Variants in CNTNAP4 observed in about 807,000 individuals in gnomAD.
The protein encoded by CNTNAP4 is contactin-associated protein-like 4.
In CNTNAP4, 98 loss-of-function variants were observed where a neutral mutation model predicts 148.4. The ratio of observed to expected loss-of-function variants is 0.66; its 90% CI spans 0.56 to 0.78. CNTNAP4 has a LOEUF of 0.78. Among genes scored for constraint, CNTNAP4 ranks in the 30% least tolerant of loss-of-function variants. The probability of loss-of-function intolerance (pLI) is 0.00; values close to 1 mark genes in which losing one functional copy is unlikely to be tolerated. For missense variants in CNTNAP4, 1,935 were observed against 1,565.6 expected, an observed-to-expected ratio of 1.24 and a Z score of -3.98; for synonymous variants, 730 against 565.1, an observed-to-expected ratio of 1.29 and a Z score of -4.14.
chr16:76,553,872 C>A lies in CNTNAP4; in HGVS notation c.3698C>A (p.Ala1233Asp), dbSNP rs766318470. The change falls in exon 23 of 24, where the codon GCT becomes GAT. Residue 1233 changes from alanine to aspartate, a missense_variant. Transcript: ENST00000611870. ...ACAATAGATGACAGAGAGCCCCTTGCTAATGCAATCAAAAGTGACTCTGCA... is the reference window on the plus strand; with the variant it reads ...ACAATAGATGACAGAGAGCCCCTTGATAATGCAATCAAAAGTGACTCTGCA... ...SGTIDDREPL[A>D]NAIKSDSAVI... The A allele has an allele frequency of 5.6e-6, 9 of 1,611,942 alleles. No individual in the cohort carries two copies. The highest frequency in any genetic ancestry group is 5.9e-6 in the Non-Finnish European group (7 of 1,178,274).
chr16:76,327,824 C>G (rs1963142157), intron 2 of CNTNAP4, among the ~76,000 whole-genome samples: 1 of 152,202 alleles, frequency 6.6e-6, no homozygotes, highest in Non-Finnish European at 1.5e-5. Flanking sequence ...TGAGATGCAT[C>G]TGATAAGGCT....
chr16:76,313,058 G>A (rs1169647162), intron 1 of CNTNAP4, among the ~76,000 whole-genome samples: 1 of 152,062 alleles, frequency 6.6e-6, no homozygotes, highest in Non-Finnish European at 1.5e-5. Flanking sequence ...AATATCACAA[G>A]CCTCCTGTGT....
chr16:76,436,593 C>T (rs2079836338), intron 4 of CNTNAP4, among the ~76,000 whole-genome samples: 1 of 152,144 alleles, frequency 6.6e-6, no homozygotes, highest in Non-Finnish European at 1.5e-5. Flanking sequence ...TCATCATTTT[C>T]TTTCATCACT....
In CNTNAP4 at chr16:76,521,189, T is replaced by A; in HGVS notation, c.2415T>A (p.His805Gln). The A allele has an allele frequency of 6.2e-7, 1 of 1,611,268 alleles. No homozygotes were observed. Among genetic ancestry groups the A allele is most frequent in the Non-Finnish European group, 8.5e-7 (1 of 1,179,134 alleles). Residue 805 changes from histidine (H) to glutamine (Q), a missense_variant, in exon 16 of 24, where the codon CAT (histidine) becomes CAA (glutamine). By Grantham distance (24) the His-to-Gln change is conservative (BLOSUM62 0). Coordinates refer to ENST00000611870, the MANE Select transcript of CNTNAP4 (RefSeq NM_033401.5). ...ASFDTEASYLHFPTFHGELSA... is the reference protein window; with the variant it reads ...ASFDTEASYLQFPTFHGELSA... ...TTGATACCGAGGCTTCATATCTTCATTTTCCTACCTTCCACGGAGAACTTA... is the reference window on the plus strand; with the variant it reads ...TTGATACCGAGGCTTCATATCTTCAATTTCCTACCTTCCACGGAGAACTTA...
At chr16:76,425,858 G>A (rs762626730) in intron 3 of CNTNAP4, among the ~76,000 whole-genome samples, 2 of 152,118 alleles carry the variant, frequency 1.3e-5, no homozygotes, top group African/African-American at 4.8e-5. Context: ...TGTTCTAAGT[G>A]GCAAAGAAAG....
At chr16:76,551,749 C>T (rs921088182) in intron 21 of CNTNAP4, among the ~76,000 whole-genome samples, 2 of 152,162 alleles carry the variant, frequency 1.3e-5, no homozygotes, top group African/African-American at 4.8e-5. Flanking sequence ...CTGGCTAGCA[C>T]ATAATATACA....
chr16:76,521,049 C>A, intron 15 of CNTNAP4, 91 bp from the exon 16 acceptor site: 1 of 1,234,256 alleles, frequency 8.1e-7, no homozygotes, highest in Non-Finnish European at 1.1e-6. Context: ...AGCAAAAGTG[C>A]TAAAAATAGA....
intron 10 of CNTNAP4, among the ~76,000 whole-genome samples, chr16:76,473,853 T>TG (rs1163553626): frequency 0.015 from 50 of 3,362 alleles, no homozygotes; most frequent in South Asian, 0.33. Flanking sequence ...TTTTTTTTGT[T>TG]TTGTTTTGTT....
Position 76,539,821 on chromosome 16 carries a change from T to A in CNTNAP4, c.3323T>A (p.Ile1108Asn). Residue 1108 changes from isoleucine to asparagine, a missense_variant, in exon 20 of 24, where the codon ATT becomes AAT. By Grantham distance (149) the Ile-to-Asn change is moderately radical (BLOSUM62 -3). Transcript: ENST00000611870. ...GATGGACAACTTCACCACATAATGA[T>A]TAACAGAGAAGAAGGAGTGGTCTTT... ...MADGQLHHIM[I>N]NREEGVVFIE... 6.3e-7 allele frequency: 1 copy of A among 1,598,980 alleles called. No individual in the cohort carries two copies. The highest frequency in any genetic ancestry group is 1.1e-5 in the South Asian group (1 of 87,960).
chr16:76,496,549 C>T (rs1326922270), intron 14 of CNTNAP4, among the ~76,000 whole-genome samples: 1 of 151,980 alleles, frequency 6.6e-6, no homozygotes, highest in Non-Finnish European at 1.5e-5. Flanking sequence ...GCAGAAACTG[C>T]CCATGTGTTT....
intron 8 of CNTNAP4, among the ~76,000 whole-genome samples, chr16:76,460,773 A>AATATATATATATATATATATATAT (rs150425968): frequency 1.6e-4 from 9 of 57,318 alleles, no homozygotes; most frequent in South Asian, 6.2e-4. Context: ...AAAAAAAAAA[A>AATATATATATATATATATATATAT]ATATATATAT....
intron 1 of CNTNAP4, among the ~76,000 whole-genome samples, chr16:76,298,433 A>G (rs541127678): frequency 6.6e-6 from 1 of 151,862 alleles, no homozygotes; most frequent in Non-Finnish European, 1.5e-5. Context: ...ATGAATGGCA[A>G]TTAGATTCTT....
chr16:76,543,269 A>T (rs1221438649), intron 21 of CNTNAP4, among the ~76,000 whole-genome samples: 2 of 152,206 alleles, frequency 1.3e-5, no homozygotes, highest in Non-Finnish European at 2.9e-5. Flanking sequence ...GAAACCCATA[A>T]CTTGTGGTCA....
intron 4 of CNTNAP4, among the ~76,000 whole-genome samples, chr16:76,438,558 C>T (rs1194624900): frequency 6.6e-6 from 1 of 151,970 alleles, no homozygotes; most frequent in African/African-American, 2.4e-5. Context: ...AAGGACAAAA[C>T]CAAAATAGAC....
At chr16:76,557,792 A>C (rs2085255743) in intron 23 of CNTNAP4, 1 of 152,156 alleles carries the variant, frequency 6.6e-6, no homozygotes. Flanking sequence ...ATTATCATGA[A>C]ATAGTTTTGA....
intron 11 of CNTNAP4, among the ~76,000 whole-genome samples, chr16:76,477,554 ACAT>A (rs1270172883): frequency 1.3e-5 from 2 of 152,150 alleles, no homozygotes; most frequent in African/African-American, 4.8e-5. Context: ...GCTGGGGAAG[ACAT>A]CATCAAGAGA....
At chr16:76,309,760 G>A in intron 1 of CNTNAP4, 1 of 677,320 alleles carries the variant, frequency 1.5e-6, no homozygotes, top group South Asian at 1.5e-5. Context: ...GGCGGAGGGG[G>A]TGGTCCGGGC....
intron 21 of CNTNAP4, among the ~76,000 whole-genome samples, chr16:76,550,344 G>C (rs76255485): frequency 0.049 from 7,454 of 152,164 alleles, 221 homozygotes; most frequent in Non-Finnish European, 0.075. Flanking sequence ...TGTTTCTTTA[G>C]CTCATAAAAG....
At chr16:76,352,972 C>A (rs188742484) in intron 2 of CNTNAP4, among the ~76,000 whole-genome samples, 233 of 152,270 alleles carry the variant, frequency 1.5e-3, no homozygotes, top group African/African-American at 5.4e-3. Context: ...CATGTCTATG[C>A]AACAAGCCCT....
Sources: gnomAD v4.1 joint callset for allele counts (sites outside exome capture counted in the v4.1 genomes callset) on GRCh38, gnomAD v4.1.1 for gene constraint, MANE v1.5 for transcripts, NCBI Gene and HGNC (gene_info 2026-07-23, HGNC 2026-07-21) for gene names.